EPHB3: variants seen among roughly 807,000 people sequenced by gnomAD.
EPHB3 encodes EPH receptor B3.
A neutral mutation model predicts 100.2 loss-of-function variants in EPHB3; 33 were observed. That is an observed-to-expected ratio of 0.33 (90% CI 0.25 to 0.44). The LOEUF (loss-of-function observed/expected upper bound fraction) is 0.44. Ranked by LOEUF, EPHB3 falls within the 20% of genes least tolerant of loss-of-function variation. The pLI is 1.00. For missense variants in EPHB3, 1,045 were observed against 1,378.3 expected (o/e 0.76, Z 3.83); for synonymous variants, 526 against 554.7 (o/e 0.95, Z 0.73).
chr3:184,572,891 C>A lies in EPHB3; in HGVS notation c.571C>A (p.Leu191Met). ...GCCACTTTCCAAGGCTGGCTTCTAC[C>A]TGGCCTTCCAGGACCAGGGCGCCTG... The part of the protein sequence containing the change: ...FGPLSKAGFY[L>M]AFQDQGACMS... The change falls in exon 3 of 16, where the codon CTG (leucine) becomes ATG (methionine). Residue 191 changes from leucine (L) to methionine (M), a missense_variant. Physicochemically the swap from Leu to Met is conservative, Grantham distance 15. Around this residue, in one of 2 missense-constraint regions of EPHB3, gnomAD observed 985 missense variants for 1,331.1 expected, o/e 0.74. Coordinates refer to ENST00000330394, the MANE Select transcript of EPHB3 (RefSeq NM_004443.4). This position sits in a 1 kb window ranked among gnomAD's most constrained non-coding sequence, Gnocchi z 6.6. The A allele has an allele frequency of 6.4e-7, 1 of 1,561,412 alleles. No individual in the cohort carries two copies.
Position 184,577,593 on chromosome 3 carries a change from T to C in EPHB3, c.1480-65T>C. 6.4e-7 allele frequency: 1 copy of C among 1,570,998 alleles called. No individual in the cohort carries two copies. The highest frequency in any genetic ancestry group is 8.7e-7 in the Non-Finnish European group (1 of 1,155,982). ...GGAGGGGGCATGTGGCAGGCCTGGG[T>C]GTGAATAGGGGCTGGTTGGCCTCAG... On this transcript the variant is annotated intron_variant, in intron 6 of 15. Coordinates refer to ENST00000330394, the MANE Select transcript of EPHB3 (RefSeq NM_004443.4). The surrounding 1 kb of genome is among the most constrained non-coding windows in gnomAD (Gnocchi z 4.9).
At position 184,578,175 on chromosome 3, in the gene EPHB3, C is replaced by A. The variant is rs920937899; in HGVS notation, c.1748+169C>A. ...AGCCCTCTCCCATCCCTGCCTGTGT[C>A]TTCATCCCGCCCTTTCTCCATACCC... On this transcript the variant is annotated intron_variant, in intron 8 of 15. Transcript: ENST00000330394. The surrounding 1 kb of genome is among the most constrained non-coding windows in gnomAD (Gnocchi z 4.7). 10 of 880,118 alleles carry A rather than the reference C, an allele frequency of 1.1e-5. No homozygotes were observed. In the East Asian group the frequency reaches 2.7e-4, roughly 23 times the overall value. The allele number at this position is 880,118 out of a possible 1,614,324, so 54.5% of individuals were successfully genotyped here.
At position 184,563,034 on chromosome 3, in the gene EPHB3, C is replaced by T. The variant is rs954877424; in HGVS notation, c.118+681C>T. ...ATTTGCCCCAGGTAGCAGCAGAGCC[C>T]GGCGCCTTCCTCAGTAGCTGGTGGG... is the stretch of plus-strand genomic sequence containing the variant. On this transcript the variant is annotated intron_variant, in intron 1 of 15. Transcript: ENST00000330394. The surrounding 1 kb of genome is among the most constrained non-coding windows in gnomAD (Gnocchi z 4.1). 6.6e-6 allele frequency among the ~76,000 whole-genome samples: 1 copy of T among 152,210 alleles called. No homozygotes were observed. Among genetic ancestry groups the T allele is most frequent in the Non-Finnish European group, 1.5e-5 (1 of 68,040 alleles).
chr3:184,579,463 T>C lies in EPHB3; in HGVS notation c.1802-14T>C. The C allele has an allele frequency of 6.2e-7, 1 of 1,611,864 alleles. No individual in the cohort carries two copies. Among genetic ancestry groups the C allele is most frequent in the Non-Finnish European group, 8.5e-7 (1 of 1,178,264 alleles). On this transcript the variant is annotated splice_polypyrimidine_tract_variant and intron_variant, in intron 9 of 15. Coordinates refer to ENST00000330394, the MANE Select transcript of EPHB3 (RefSeq NM_004443.4). The surrounding 1 kb of genome is among the most constrained non-coding windows in gnomAD (Gnocchi z 5.2). Reference sequence around the variant, plus strand: ...TTGACGTTACCCTCTCACGCCCACCTCTTCTCCCTCCAGTTGCTCCTGGAA... The same window carrying C: ...TTGACGTTACCCTCTCACGCCCACCCCTTCTCCCTCCAGTTGCTCCTGGAA...
rs1471500854 is a variant in EPHB3 at position 184,581,284 on chromosome 3, C to T, written c.2764C>T (p.Pro922Ser). 1.9e-6 allele frequency: 3 copies of T among 1,603,156 alleles called. No homozygotes were observed. The Admixed American group carries it at 5.0e-5, about 27-fold the overall frequency. The change falls in exon 15 of 16, where the codon CCA (proline) becomes TCA (serine). Residue 922 changes from proline (P) to serine (S), a missense_variant. Coordinates refer to ENST00000330394, the MANE Select transcript of EPHB3 (RefSeq NM_004443.4). ...MSQPLLDRTV[P>S]DYTTFTTVGD... The stretch of plus-strand genomic sequence containing the variant: ...ACAGCCCCTCCTGGACCGCACGGTC[C>T]CAGATTACACAACCTTCACGACAGT...
At position 184,580,638 on chromosome 3, in the gene EPHB3, G is replaced by A. The variant is rs752373129; in HGVS notation, c.2388+21G>A. On this transcript the variant is annotated intron_variant, in intron 12 of 15. Transcript: ENST00000330394. ...CCCTGGTACAGGAAGCCGCTGGGAG[G>A]GAGACTGGGGGCGGGGCCTATCAGC... 46 of 1,611,250 alleles carry A rather than the reference G, an allele frequency of 2.9e-5. 2 individuals carry two copies. In the South Asian group the frequency reaches 5.1e-4, roughly 18 times the overall value.
Position 184,571,636 on chromosome 3 carries a change from C to T in EPHB3, c.183+254C>T, listed in dbSNP as rs1268074051. ...TGCCCCCCAGCTCCCGCTCCCTCTC[C>T]CTCTCTTCCTAACAGCCCTCTGCAT... On this transcript the variant is annotated intron_variant, in intron 2 of 15. Transcript: ENST00000330394. The surrounding 1 kb of genome is among the most constrained non-coding windows in gnomAD (Gnocchi z 5.0). Among the ~76,000 whole-genome samples the T allele has an allele frequency of 6.6e-6, 1 of 152,100 alleles. No homozygotes were observed. The highest frequency in any genetic ancestry group is 2.1e-4 in the South Asian group (1 of 4,810).
chr3:184,565,523 C>T lies in EPHB3; in HGVS notation c.118+3170C>T, dbSNP rs1022236572. Among the ~76,000 whole-genome samples the T allele has an allele frequency of 1.3e-5, 2 of 152,164 alleles. No homozygotes were observed. The highest frequency in any genetic ancestry group is 1.9e-4 in the East Asian group (1 of 5,170). ...ATCGCAGGAGGTGGGGCCAGCACGT[C>T]CCCCTCCAGCCAAGCCTTGGTAGCT... On this transcript the variant is annotated intron_variant, in intron 1 of 15. Coordinates refer to ENST00000330394, the MANE Select transcript of EPHB3 (RefSeq NM_004443.4). The surrounding 1 kb of genome is among the most constrained non-coding windows in gnomAD (Gnocchi z 4.8).
At chr3:184,581,473 C>A in intron 15 of EPHB3, 41 bp from the exon 16 acceptor site, 2 of 1,597,672 alleles carry the variant, frequency 1.3e-6, no homozygotes, top group Non-Finnish European at 1.7e-6. Context: ...GAGTTGAGGG[C>A]ACGAGGAAAG....
Position 184,580,563 on chromosome 3 carries a change from C to T in EPHB3, c.2334C>T (p.Gly778=). Residue 778 remains glycine (G), a synonymous_variant, in exon 12 of 16, where the codon GGC becomes GGT. Transcript: ENST00000330394. ...TGGTCTGCAAAGTCTCAGACTTTGG[C>T]CTCTCCCGCTTCCTGGAGGATGACC... The part of the protein sequence containing the change: ...SNLVCKVSDF[G]LSRFLEDDPS... The T allele has an allele frequency of 6.2e-7, 1 of 1,614,208 alleles. No individual in the cohort carries two copies. Among genetic ancestry groups the T allele is most frequent in the Non-Finnish European group, 8.5e-7 (1 of 1,180,032 alleles).
intron 1 of EPHB3, among the ~76,000 whole-genome samples, chr3:184,570,402 T>C (rs966480352): frequency 3.3e-5 from 5 of 152,254 alleles, no homozygotes; most frequent in African/African-American, 1.2e-4. Flanking sequence ...CAGTGTATTT[T>C]CTTTGTCTGG....
At chr3:184,575,322 G>C (rs1714645210) in intron 3 of EPHB3, 1 of 795,070 alleles carries the variant, frequency 1.3e-6, no homozygotes, top group Non-Finnish European at 1.5e-6. Context: ...GGGCAGACAG[G>C]AGCTGCTGCC....
chr3:184,569,803 G>T lies in EPHB3; in HGVS notation c.119-1515G>T, dbSNP rs548954065. Among the ~76,000 whole-genome samples the T allele has an allele frequency of 1.4e-3, 209 of 152,386 alleles. 1 individual carries two copies. Among genetic ancestry groups the T allele is most frequent in the African/African-American group, 4.8e-3 (201 of 41,602 alleles). On this transcript the variant is annotated intron_variant, in intron 1 of 15. Transcript: ENST00000330394. The surrounding 1 kb of genome is among the most constrained non-coding windows in gnomAD (Gnocchi z 5.4). ...CACTGAAGGCTGCAAGCCTGTGGCC[G>T]CGGGGTTTGGGCTTTTCCCCACTTG...
Position 184,581,797 on chromosome 3 carries a change from G to A in EPHB3, c.*175G>A, listed in dbSNP as rs571200408. ...CCTGTGTTCCCTCCCCAGGAAGTGC[G>A]CCCCAAACCTCTTCATATTGAAGAT... On this transcript the variant is annotated 3_prime_UTR_variant, in exon 16 of 16. Transcript: ENST00000330394. The A allele has an allele frequency of 1.6e-4, 99 of 624,394 alleles. No homozygotes were observed. The Middle Eastern group carries it at 3.5e-3, about 22-fold the overall frequency. The allele number at this position is 624,394 out of a possible 1,614,324, so 38.7% of individuals were successfully genotyped here. A position where few individuals can be genotyped will look rare whatever the true frequency, so the allele number is the denominator to read the frequency against.
At chr3:184,575,115 A>G (rs1396051301) in intron 3 of EPHB3, 3 of 982,270 alleles carry the variant, frequency 3.1e-6, no homozygotes, top group South Asian at 4.7e-5. Context: ...ATCAATCCAC[A>G]GAGCCTGTGT....
At position 184,572,285 on chromosome 3, in the gene EPHB3, T is replaced by C. The variant is rs1447055250; in HGVS notation, c.184-219T>C. On this transcript the variant is annotated intron_variant, in intron 2 of 15. Coordinates refer to ENST00000330394, the MANE Select transcript of EPHB3 (RefSeq NM_004443.4). This position sits in a 1 kb window ranked among gnomAD's most constrained non-coding sequence, Gnocchi z 6.6. ...TCCTTACACATCTTTATTATCCCCATGTTACAGATGGGGAAACTGAGGCAC... is the reference window on the plus strand; with the variant it reads ...TCCTTACACATCTTTATTATCCCCACGTTACAGATGGGGAAACTGAGGCAC... Among the ~76,000 whole-genome samples the C allele has an allele frequency of 6.6e-6, 1 of 152,160 alleles. No individual in the cohort carries two copies. The highest frequency in any genetic ancestry group is 1.9e-4 in the East Asian group (1 of 5,202).
At chr3:184,564,488 C>T (rs955167184) in intron 1 of EPHB3, among the ~76,000 whole-genome samples, 4 of 152,242 alleles carry the variant, frequency 2.6e-5, no homozygotes, top group African/African-American at 9.6e-5. Context: ...CTTCTGAGTA[C>T]TGAATTCTTA....
In EPHB3 at chr3:184,572,671, C is replaced by T; in HGVS notation, c.351C>T (p.Asn117=). The stretch of plus-strand genomic sequence containing the variant: ...TCAAGTTCACTGTGCGTGACTGCAA[C>T]AGCATCCCCAACATCCCCGGCTCCT... ...VELKFTVRDC[N]SIPNIPGSCK... The change falls in exon 3 of 16, where the codon AAC becomes AAT. Residue 117 remains asparagine (N), a synonymous_variant. Transcript: ENST00000330394. The surrounding 1 kb of genome is among the most constrained non-coding windows in gnomAD (Gnocchi z 6.6). 1.9e-6 allele frequency: 3 copies of T among 1,595,240 alleles called. No individual in the cohort carries two copies. The highest frequency in any genetic ancestry group is 2.6e-6 in the Non-Finnish European group (3 of 1,172,006).
Position 184,575,990 on chromosome 3 carries a change from GTGAACGCGTGACCTCTCTT to G in EPHB3, c.1012+7_1012+25del. 1 of 1,604,280 alleles carries G rather than the reference GTGAACGCGTGACCTCTCTT, an allele frequency of 6.2e-7. No homozygotes were observed. Among genetic ancestry groups the G allele is most frequent in the Non-Finnish European group, 8.5e-7 (1 of 1,174,478 alleles). The stretch of plus-strand genomic sequence containing the variant: ...CTGCGGACAGTGCCTGTACCAGTGA[GTGAACGCGTGACCTCTCTT>G]TCCCTCTGCAGGCCTTCCCTCTGGG... On this transcript the variant is annotated splice_donor_region_variant and intron_variant, in intron 4 of 15. Coordinates refer to ENST00000330394, the MANE Select transcript of EPHB3 (RefSeq NM_004443.4).
Sources: gnomAD v4.1 joint callset for allele counts (sites outside exome capture counted in the v4.1 genomes callset) on GRCh38, gnomAD v4.1.1 for gene constraint, gnomAD v4.1.1 regional missense constraint, Gnocchi (gnomAD v3.1) non-coding constraint, MANE v1.5 for transcripts, NCBI Gene and HGNC (gene_info 2026-07-23, HGNC 2026-07-21) for gene names.